Variants in SMARCC2 observed in about 807,000 individuals in gnomAD.
SMARCC2 encodes the protein SWI/SNF related BAF chromatin remodeling complex subunit C2.
A neutral mutation model predicts 151.3 loss-of-function variants in SMARCC2; 15 were observed. The observed-to-expected ratio is 0.10, with a 90% CI of 0.07 to 0.15. SMARCC2 has a LOEUF of 0.15. SMARCC2 is among the 10% of genes least tolerant of loss of function. The probability of loss-of-function intolerance (pLI) is 1.00; values close to 1 mark genes in which losing one functional copy is unlikely to be tolerated. For missense variants in SMARCC2, 1,031 were observed against 1,599.7 expected, an observed-to-expected ratio of 0.64 and a Z score of 6.06; for synonymous variants, 590 against 609.5, an observed-to-expected ratio of 0.97 and a Z score of 0.47.
chr12:56,187,445 G>A, intron 1 of SMARCC2, 139 bp from the exon 2 acceptor site: 1 of 806,986 alleles, frequency 1.2e-6, no homozygotes, highest in Non-Finnish European at 1.9e-6. Context: ...TCTCTATAAA[G>A]AAAATGGCAA....
chr12:56,164,724 T>G lies in SMARCC2; in HGVS notation c.3240A>C (p.Ser1080=), dbSNP rs1342632782. The change falls in exon 28 of 29, where the codon TCA becomes TCC. Residue 1080 remains serine, a synonymous_variant. Transcript: ENST00000550164. ...GAGGAGTTTGTTGGTTGGGGAACGG[T>G]GAGGGGCCTGAGAATAAAGATGAGA... ...GVPPPGPHGP[S]PFPNQQTPPS... 6.2e-7 allele frequency: 1 copy of G among 1,605,054 alleles called. No homozygotes were observed. Among genetic ancestry groups the G allele is most frequent in the Non-Finnish European group, 8.5e-7 (1 of 1,175,608 alleles).
At chr12:56,172,065 G>T in intron 20 of SMARCC2, 128 bp from the exon 21 acceptor site, 1 of 756,540 alleles carries the variant, frequency 1.3e-6, no homozygotes, top group Non-Finnish European at 2.1e-6. Context: ...TACTCTGCTA[G>T]GTCCAAGGGG....
At chr12:56,178,279 G>C in intron 14 of SMARCC2, 125 bp downstream of exon 14, 1 of 1,156,206 alleles carries the variant, frequency 8.6e-7, no homozygotes, top group South Asian at 1.4e-5. Context: ...TAAAACTAAA[G>C]TGTACTCTGG....
chr12:56,164,180 A>T, intron 28 of SMARCC2, 123 bp downstream of exon 28: 1 of 878,200 alleles, frequency 1.1e-6, no homozygotes, highest in Non-Finnish European at 1.7e-6. Context: ...TTCTAATTTT[A>T]CCAGAGTGTT....
chr12:56,180,973 G>C lies in SMARCC2; in HGVS notation c.1081+4C>G. The C allele has an allele frequency of 1.2e-6, 2 of 1,611,856 alleles. No individual in the cohort carries two copies. The highest frequency in any genetic ancestry group is 1.7e-6 in the Non-Finnish European group (2 of 1,178,702). On this transcript the variant is annotated splice_donor_region_variant and intron_variant, in intron 11 of 28. Transcript: ENST00000550164. Reference sequence around the variant, plus strand: ...GGATCCCAGGAGCTCAGCCTGGCCTGTACCTGTTTTGGGAAGTGTCACCTC... The same window carrying C: ...GGATCCCAGGAGCTCAGCCTGGCCTCTACCTGTTTTGGGAAGTGTCACCTC...
chr12:56,163,857 A>G, intron 28 of SMARCC2, 92 bp from the exon 29 acceptor site: 1 of 790,176 alleles, frequency 1.3e-6, no homozygotes, highest in Non-Finnish European at 1.9e-6. Context: ...CGGGCATGGC[A>G]TGCAGTGGCT....
intron 28 of SMARCC2, 23 bp from the exon 29 acceptor site, chr12:56,163,788 T>TTA (rs757255610): frequency 3.4e-6 from 5 of 1,473,554 alleles, no homozygotes; most frequent in Middle Eastern, 1.7e-4. Flanking sequence ...GGAAGATAAA[T>TTA]CAGTTAGAGT....
chr12:56,169,670 T>C lies in SMARCC2; in HGVS notation c.2574A>G (p.Pro858=), dbSNP rs747112231. The C allele has an allele frequency of 2.7e-5, 44 of 1,614,052 alleles. No individual in the cohort carries two copies. The highest frequency in any genetic ancestry group is 3.6e-5 in the Non-Finnish European group (43 of 1,180,036). Residue 858 remains proline (P), a synonymous_variant, in exon 25 of 29, where the codon CCA becomes CCG. Coordinates refer to ENST00000550164, the MANE Select transcript of SMARCC2 (RefSeq NM_001330288.2). ...TCAGCACTTCCTCCTGCCCTTCCTT[T>C]GGCTCCTTCTCCTTCTCAGGATCGA... ...PIVDPEKEKE[P]KEGQEEVLKE... is the part of the protein sequence containing the mutation.
At position 56,163,572 on chromosome 12, in the gene SMARCC2, T is replaced by G; in HGVS notation, c.*117A>C. The G allele has an allele frequency of 1.9e-6, 1 of 533,874 alleles. No homozygotes were observed. The highest frequency in any genetic ancestry group is 3.2e-6 in the Non-Finnish European group (1 of 308,594). 33.1% of individuals were successfully genotyped at this position (533,874 alleles called of 1,614,324 possible). A position where few individuals can be genotyped will look rare whatever the true frequency, so the allele number is the denominator to read the frequency against. Reference sequence around the variant, plus strand: ...GGGCTTTGGAGGGGCGGAAGGAGCTTTCCTTACGTAGTGATGAACTCTCCA... The same window carrying G: ...GGGCTTTGGAGGGGCGGAAGGAGCTGTCCTTACGTAGTGATGAACTCTCCA... On this transcript the variant is annotated 3_prime_UTR_variant, in exon 29 of 29. Transcript: ENST00000550164.
chr12:56,179,085 A>ACAGATTTTGCCTAATT (rs1202449888), intron 11 of SMARCC2, 29 bp from the exon 12 acceptor site: 1 of 1,609,132 alleles, frequency 6.2e-7, no homozygotes, highest in South Asian at 1.1e-5. Flanking sequence ...ATTTTATCAG[A>ACAGATTTTGCCTAATT]CAGATTTTGC....
At chr12:56,173,962 C>T (rs1874453023) in intron 16 of SMARCC2, 113 bp from the exon 17 acceptor site, 1 of 946,156 alleles carries the variant, frequency 1.1e-6, no homozygotes, top group African/African-American at 1.7e-5. Context: ...CAACCCCGGC[C>T]TTTTCCTCTG....
chr12:56,172,507 G>A lies in SMARCC2; in HGVS notation c.1864-17C>T. On this transcript the variant is annotated splice_polypyrimidine_tract_variant and intron_variant, in intron 19 of 28. Transcript: ENST00000550164. ...AGCCTTGCTCTGCAGGGGAAACACA[G>A]GCAGGTGAGAAGAAAGGAGCCTGTG... is the stretch of plus-strand genomic sequence containing the variant. 3.1e-6 allele frequency: 5 copies of A among 1,607,164 alleles called. No homozygotes were observed. Among genetic ancestry groups the A allele is most frequent in the Admixed American group, 1.7e-5 (1 of 59,304 alleles).
intron 9 of SMARCC2, 38 bp from the exon 10 acceptor site, chr12:56,181,635 A>G (rs1384771034): frequency 6.2e-7 from 1 of 1,611,656 alleles, no homozygotes; most frequent in African/African-American, 1.3e-5. Context: ...TCAGCCTACA[A>G]TCCCCACTGA....
chr12:56,166,590 C>G (rs949957678), intron 26 of SMARCC2, among the ~76,000 whole-genome samples: 3 of 149,104 alleles, frequency 2.0e-5, no homozygotes, highest in African/African-American at 7.3e-5. Context: ...ATTTCTTTTT[C>G]TTCTTTTTTT....
In SMARCC2 at chr12:56,163,749, C is replaced by A; in HGVS notation, c.3678G>T (p.Leu1226=). 1 of 1,511,812 alleles carries A rather than the reference C, an allele frequency of 6.6e-7. No individual in the cohort carries two copies. Among genetic ancestry groups the A allele is most frequent in the South Asian group, 1.3e-5 (1 of 75,422 alleles). The allele number at this position is 1,511,812 out of a possible 1,614,324, so 93.6% of individuals were successfully genotyped here. A position where few individuals can be genotyped will look rare whatever the true frequency, so the allele number is the denominator to read the frequency against. The change falls in exon 29 of 29, where the codon CTG becomes CTT. Residue 1226 remains leucine (L), a synonymous_variant. Transcript: ENST00000550164. Reference sequence around the variant, plus strand: ...GGCTCGGGGCTGTGGGGTCTGGAGGCAGGGGGGTGCCTGGGTCTGTGGAGA... The same window carrying A: ...GGCTCGGGGCTGTGGGGTCTGGAGGAAGGGGGGTGCCTGGGTCTGTGGAGA... ...ASPLPDPGTP[L]PPDPTAPSPG...
chr12:56,188,870 G>C (rs1381204254), intron 1 of SMARCC2, among the ~76,000 whole-genome samples: 1 of 152,120 alleles, frequency 6.6e-6, no homozygotes, highest in Non-Finnish European at 1.5e-5. Flanking sequence ...GGCTTGCTCT[G>C]TGACTGTTTA....
chr12:56,174,323 G>C (rs566701243), intron 16 of SMARCC2, among the ~76,000 whole-genome samples: 2 of 152,140 alleles, frequency 1.3e-5, no homozygotes, highest in South Asian at 4.2e-4. Context: ...TTTTGTCCAG[G>C]CTGGTCTCGA....
In SMARCC2 at chr12:56,164,492, G is replaced by A. The variant is rs745774824; in HGVS notation, c.3472C>T (p.Pro1158Ser). Residue 1158 changes from proline (P) to serine (S), a missense_variant, in exon 28 of 29, where the codon CCG (proline) becomes TCG (serine). Physicochemically the swap from Pro to Ser is moderately conservative, Grantham distance 74. Coordinates refer to ENST00000550164, the MANE Select transcript of SMARCC2 (RefSeq NM_001330288.2). ...AGGTTAGGTGGGGGGAGAGTGCCCG[G>A]GGCGAACGGGAGATGGTGGTGATGC... ...HGHHHHLPFA[P>S]GTLPPPNLPV... The A allele has an allele frequency of 1.9e-6, 3 of 1,614,200 alleles. No individual in the cohort carries two copies. Among genetic ancestry groups the A allele is most frequent in the South Asian group, 1.1e-5 (1 of 91,092 alleles).
chr12:56,173,901 C>A (rs767037099), intron 16 of SMARCC2, 52 bp from the exon 17 acceptor site: 8 of 1,541,070 alleles, frequency 5.2e-6, no homozygotes, highest in Non-Finnish European at 7.1e-6. Context: ...GAAAGGTGCA[C>A]GAGGAAGAGG....
Sources: allele counts gnomAD v4.1 joint callset (sites outside exome capture counted in the v4.1 genomes callset), GRCh38; gene constraint gnomAD v4.1.1; transcripts MANE v1.5; gene names NCBI Gene and HGNC (gene_info 2026-07-23, HGNC 2026-07-21).